Variants in TRIM5 observed in about 807,000 individuals in gnomAD.
TRIM5 encodes tripartite motif containing 5.
A neutral mutation model predicts 35.6 loss-of-function variants in TRIM5; 31 were observed. The observed-to-expected ratio is 0.87, with a 90% CI of 0.65 to 1.18. TRIM5 has a LOEUF of 1.18. TRIM5 is among the 50% of genes most tolerant of loss of function. TRIM5 has a pLI of 0.00. For missense variants in TRIM5, 609 were observed against 591.6 expected (o/e 1.03, Z -0.31); for synonymous variants, 243 against 215.6 (o/e 1.13, Z -1.11).
At chr11:5,602,433 A>AC in the TRIM5 span, among the ~76,000 whole-genome samples, 139 of 150,824 alleles carry the variant, frequency 9.2e-4, no homozygotes, top group African/African-American at 3.1e-3. Flanking sequence ...ACAGAGCAAG[A>AC]CCCCCTAATG....
At chr11:5,671,078 T>C (rs1159776883) in intron 4 of TRIM5, among the ~76,000 whole-genome samples, 1 of 151,682 alleles carries the variant, frequency 6.6e-6, no homozygotes, top group Non-Finnish European at 1.5e-5. Context: ...ATACAAAAAT[T>C]AGGTGAGCAT....
chr11:5,593,665 C>A, the TRIM5 span, among the ~76,000 whole-genome samples: 1 of 152,286 alleles, frequency 6.6e-6, no homozygotes, highest in Non-Finnish European at 1.5e-5. Context: ...GACACCTCAA[C>A]CTGTGCACTA....
chr11:5,665,497 TG>T (rs1564906268), intron 7 of TRIM5, 102 bp from the exon 8 acceptor site: 1 of 1,544,110 alleles, frequency 6.5e-7, no homozygotes, highest in Non-Finnish European at 8.7e-7. Flanking sequence ...GGAGGAACCT[TG>T]TTTAGAAGTT....
At chr11:5,600,397 A>C in the TRIM5 span, among the ~76,000 whole-genome samples, 1 of 147,590 alleles carries the variant, frequency 6.8e-6, no homozygotes, top group Admixed American at 6.6e-5. Flanking sequence ...GCTGCTGCTA[A>C]GCATGGCAAA....
rs200933626 is a variant in TRIM5, at chr11:5,664,783, A to C, written c.*26T>G. ...TGCACCTGGACAAGAGGTGCTGTAC[A>C]GAAGGGGCTGAGTGTGTAAGAAGGT... On this transcript the variant is annotated 3_prime_UTR_variant, in exon 8 of 8. Coordinates refer to ENST00000380034, the MANE Select transcript of TRIM5 (RefSeq NM_033034.3). 1.5e-5 allele frequency: 24 copies of C among 1,555,340 alleles called. No homozygotes were observed. In the African/African-American group the frequency reaches 2.6e-4, roughly 17 times the overall value.
chr11:5,635,481 C>T, the TRIM5 span, among the ~76,000 whole-genome samples: 1 of 152,096 alleles, frequency 6.6e-6, no homozygotes, highest in Non-Finnish European at 1.5e-5. Context: ...TGGTATTAAT[C>T]TCCTGACCTC....
intron 5 of TRIM5, 153 bp from the exon 6 acceptor site, chr11:5,666,234 G>A (rs1355880853): frequency 9.9e-6 from 7 of 707,604 alleles, no homozygotes; most frequent in Non-Finnish European, 1.7e-5. Flanking sequence ...GACCCTGGAG[G>A]CAAACAAAAT....
rs1461337945 is a variant in TRIM5, at chr11:5,682,475, A to G, written c.-61-2237T>C. ...GGCAAACAGATGCTGTCACCAGGGA[A>G]GCCCTGATGAAATGACTGGGAAAGT... is the stretch of plus-strand genomic sequence containing the variant. On this transcript the variant is annotated intron_variant, in intron 1 of 7. Coordinates refer to ENST00000380034, the MANE Select transcript of TRIM5 (RefSeq NM_033034.3). 2.6e-5 allele frequency among the ~76,000 whole-genome samples: 4 copies of G among 152,158 alleles called. No individual in the cohort carries two copies. In the East Asian group the frequency reaches 5.8e-4, roughly 22 times the overall value.
At position 5,678,322 on chromosome 11, in the gene TRIM5, T is replaced by C. The variant is rs1852155831; in HGVS notation, c.626A>G (p.Asp209Gly). The change falls in exon 4 of 8, where the codon GAC becomes GGC. Residue 209 changes from aspartate (D) to glycine (G), a missense_variant. Coordinates refer to ENST00000380034, the MANE Select transcript of TRIM5 (RefSeq NM_033034.3). ...AGAGTTCGTAAGGCTTTTCAGAATGTCTTCCTCCTCCTTCTCCAGGTTTTG... is the reference window on the plus strand; with the variant it reads ...AGAGTTCGTAAGGCTTTTCAGAATGCCTTCCTCCTCCTTCTCCAGGTTTTG... The part of the protein sequence containing the change: ...ELQNLEKEEE[D>G]ILKSLTNSET... The C allele has an allele frequency of 6.2e-7, 1 of 1,613,992 alleles. No individual in the cohort carries two copies. Among genetic ancestry groups the C allele is most frequent in the African/African-American group, 1.3e-5 (1 of 74,928 alleles).
At chr11:5,642,348 G>C in the TRIM5 span, 1 of 1,483,868 alleles carries the variant, frequency 6.7e-7, no homozygotes, top group Non-Finnish European at 9.3e-7. Flanking sequence ...CCAGTGATGT[G>C]GGAGGGATGG....
the TRIM5 span, among the ~76,000 whole-genome samples, chr11:5,618,226 C>T: frequency 0.038 from 5,732 of 152,032 alleles, 304 homozygotes; most frequent in African/African-American, 0.12. Flanking sequence ...AAAAATTAGC[C>T]GGGCATGGTG....
At chr11:5,672,806 T>C (rs1459452895) in intron 4 of TRIM5, among the ~76,000 whole-genome samples, 1 of 152,186 alleles carries the variant, frequency 6.6e-6, no homozygotes, top group African/African-American at 2.4e-5. Context: ...GAAGCAATAT[T>C]GAAGGGAAGT....
downstream of TRIM5, among the ~76,000 whole-genome samples, chr11:5,658,701 A>C (rs1441273226): frequency 6.6e-6 from 1 of 152,192 alleles, no homozygotes; most frequent in Admixed American, 6.5e-5. Context: ...TTTTGTTAGA[A>C]AGAGTACAGT....
chr11:5,682,086 C>T (rs752472056), intron 1 of TRIM5, among the ~76,000 whole-genome samples: 4 of 152,086 alleles, frequency 2.6e-5, no homozygotes, highest in African/African-American at 9.6e-5. Flanking sequence ...CGTGAGCCAC[C>T]GTGCCCGGCT....
intron 2 of TRIM5, 82 bp downstream of exon 2, chr11:5,679,679 G>A (rs1457922275): frequency 1.4e-6 from 2 of 1,397,806 alleles, no homozygotes; most frequent in African/African-American, 1.4e-5. Context: ...TCATGACAAG[G>A]CAGTTAATGT....
In TRIM5 at chr11:5,664,706, A is replaced by T; in HGVS notation, c.*103T>A. The T allele has an allele frequency of 1.4e-6, 2 of 1,481,324 alleles. No individual in the cohort carries two copies. The highest frequency in any genetic ancestry group is 1.8e-6 in the Non-Finnish European group (2 of 1,120,130). 91.8% of individuals were successfully genotyped at this position (1,481,324 alleles called of 1,614,324 possible). ...GGACGTTCAAATAGAAAGAAGGGAG[A>T]CAGCAAGGAAAAGATGGTTAAAATG... On this transcript the variant is annotated 3_prime_UTR_variant, in exon 8 of 8. Transcript: ENST00000380034.
At chr11:5,598,747 T>C in the TRIM5 span, among the ~76,000 whole-genome samples, 1 of 152,220 alleles carries the variant, frequency 6.6e-6, no homozygotes, top group Non-Finnish European at 1.5e-5. Context: ...CCATTATGCT[T>C]AGAAGATCAG....
At chr11:5,659,963 C>A (rs759178184), downstream of TRIM5, among the ~76,000 whole-genome samples, 1 of 152,034 alleles carries the variant, frequency 6.6e-6, no homozygotes, top group African/African-American at 2.4e-5. Flanking sequence ...TTTCTAGTTG[C>A]TATGGCAGGC....
chr11:5,668,527 G>C (rs1851320017), intron 4 of TRIM5, among the ~76,000 whole-genome samples: 1 of 151,940 alleles, frequency 6.6e-6, no homozygotes, highest in South Asian at 2.1e-4. Flanking sequence ...TCGGGTCACT[G>C]CAACCTCCGC....
Sources: gnomAD v4.1 joint callset for allele counts (sites outside exome capture counted in the v4.1 genomes callset) on GRCh38, gnomAD v4.1.1 for gene constraint, MANE v1.5 for transcripts, NCBI Gene and HGNC (gene_info 2026-07-23, HGNC 2026-07-21) for gene names.